The following NANS variants were observed in gnomAD, a reference collection of about 807,000 sequenced individuals.
NANS encodes N-acetylneuraminate-9-phosphate synthase.
NANS carries 29 observed loss-of-function variants against 33.3 expected under a neutral mutation model. The observed-to-expected ratio is 0.87, with a 90% CI of 0.65 to 1.19. The LOEUF (loss-of-function observed/expected upper bound fraction) is 1.19, where lower values mean the gene tolerates loss of function less well. NANS is among the 50% of genes most tolerant of loss of function. The pLI is 0.00. For missense variants in NANS, 394 were observed against 461.1 expected (o/e 0.85, Z 1.33); for synonymous variants, 163 against 177.2 (o/e 0.92, Z 0.64).
intron 1 of NANS, 148 bp downstream of exon 1, chr9:98,057,088 A>T (rs1186111880): frequency 8.4e-7 from 1 of 1,195,464 alleles, no homozygotes; most frequent in Non-Finnish European, 1.1e-6. Flanking sequence ...AATCCTTCGG[A>T]TCCCTCTTCC....
At chr9:98,073,272 T>C (rs931191729) in intron 2 of NANS, among the ~76,000 whole-genome samples, 840 of 28,812 alleles carry the variant, frequency 0.029, 3 homozygotes, top group Non-Finnish European at 0.034. Flanking sequence ...CACCATGGGC[T>C]TTTTTTTTTT....
chr9:98,063,111 G>A lies in NANS; in HGVS notation c.348+2114G>A, dbSNP rs146333639. ...GGCTGATTTTTTTTGTATTTTTAGT[G>A]GAGACAGGGTTTCACCATGTTAGCC... is the stretch of plus-strand genomic sequence containing the variant. On this transcript the variant is annotated intron_variant, in intron 2 of 5. Transcript: ENST00000210444. 5.2e-3 allele frequency among the ~76,000 whole-genome samples: 782 copies of A among 151,440 alleles called. 4 individuals are homozygous for A. Among genetic ancestry groups the A allele is most frequent in the African/African-American group, 0.018 (740 of 41,262 alleles).
intron 2 of NANS, among the ~76,000 whole-genome samples, chr9:98,066,842 G>A (rs531383636): frequency 7.9e-4 from 120 of 152,136 alleles, no homozygotes; most frequent in Middle Eastern, 6.8e-3. Flanking sequence ...GTGGAGACAG[G>A]GTTTCACCAT....
At chr9:98,079,601 T>C (rs1168449198) in intron 4 of NANS, among the ~76,000 whole-genome samples, 2 of 152,220 alleles carry the variant, frequency 1.3e-5, no homozygotes, top group Admixed American at 1.3e-4. Flanking sequence ...TTAAAAATGA[T>C]TTCTGTGAAA....
Position 98,056,900 on chromosome 9 carries a change from G to T in NANS, c.92G>T (p.Gly31Val). ...IIAEIGQNHQGDLDVAKRMIR... is the reference protein window; with the variant it reads ...IIAEIGQNHQVDLDVAKRMIR... ...GCCGAGATCGGCCAGAACCACCAGG[G>T]CGACCTGGACGTAGCCAAGCGCATG... The change falls in exon 1 of 6, where the codon GGC becomes GTC. Residue 31 changes from glycine (G) to valine (V), a missense_variant. Gly to Val is a moderately radical substitution (Grantham distance 109). Transcript: ENST00000210444. 6.2e-7 allele frequency: 1 copy of T among 1,610,912 alleles called. No individual in the cohort carries two copies. The highest frequency in any genetic ancestry group is 1.3e-5 in the African/African-American group (1 of 74,496).
At chr9:98,064,267 T>C (rs1829069837) in intron 2 of NANS, among the ~76,000 whole-genome samples, 1 of 152,218 alleles carries the variant, frequency 6.6e-6, no homozygotes, top group Admixed American at 6.5e-5. Flanking sequence ...TATTTTTTTT[T>C]TTTAAAGACG....
chr9:98,082,806 C>A, intron 5 of NANS, 40 bp from the exon 6 acceptor site: 1 of 1,596,182 alleles, frequency 6.3e-7, no homozygotes, highest in Non-Finnish European at 8.6e-7. Flanking sequence ...GCACTAGTTA[C>A]TTCTGTGAAG....
chr9:98,078,236 C>T lies in NANS; in HGVS notation c.492C>T (p.Thr164=), dbSNP rs1440878505. 1 of 1,614,134 alleles carries T rather than the reference C, an allele frequency of 6.2e-7. No individual in the cohort carries two copies. Among genetic ancestry groups the T allele is most frequent in the South Asian group, 1.1e-5 (1 of 91,088 alleles). The change falls in exon 4 of 6, where the codon ACC becomes ACT. Residue 164 remains threonine, a synonymous_variant. Transcript: ENST00000210444. ...VISSGMQSMD[T]MKQVYQIVKP... ...CCAGTGGGATGCAGTCAATGGACAC[C>T]ATGAAGCAAGTTTATCAGATCGTGA...
chr9:98,068,823 G>A (rs1829226532), intron 2 of NANS, among the ~76,000 whole-genome samples: 1 of 90,896 alleles, frequency 1.1e-5, no homozygotes, highest in Non-Finnish European at 1.9e-5. Flanking sequence ...GTGAGATCCT[G>A]TCTCTAAAAA....
intron 2 of NANS, 93 bp downstream of exon 2, chr9:98,061,090 C>G: frequency 8.4e-7 from 1 of 1,188,108 alleles, no homozygotes; most frequent in South Asian, 1.3e-5. Flanking sequence ...ACCTCCAGCC[C>G]TTGCTCATCC....
At chr9:98,061,485 A>AG (rs1208863892) in intron 2 of NANS, among the ~76,000 whole-genome samples, 1 of 148,804 alleles carries the variant, frequency 6.7e-6, no homozygotes, top group East Asian at 2.0e-4. Context: ...TCAAATTAAA[A>AG]AAAAAAAAAA....
intron 2 of NANS, among the ~76,000 whole-genome samples, chr9:98,066,130 T>G (rs1829141020): frequency 1.3e-5 from 2 of 152,198 alleles, no homozygotes; most frequent in Non-Finnish European, 1.5e-5. Context: ...ATACCTAGTG[T>G]TGAATCCATA....
At chr9:98,074,329 A>G (rs1026891288) in intron 2 of NANS, among the ~76,000 whole-genome samples, 1 of 152,000 alleles carries the variant, frequency 6.6e-6, no homozygotes, top group Non-Finnish European at 1.5e-5. Context: ...GGGAGAGAGG[A>G]GTGCTGAGGC....
At chr9:98,073,106 CCT>C (rs1829416831) in intron 2 of NANS, among the ~76,000 whole-genome samples, 1 of 152,050 alleles carries the variant, frequency 6.6e-6, no homozygotes, top group Non-Finnish European at 1.5e-5. Flanking sequence ...GACATGCTCT[CCT>C]CACACACAGT....
chr9:98,063,546 T>A (rs1361065219), intron 2 of NANS, among the ~76,000 whole-genome samples: 2 of 151,882 alleles, frequency 1.3e-5, no homozygotes, highest in Non-Finnish European at 2.9e-5. Flanking sequence ...CTGGCCTAGT[T>A]TTTTTTGTTT....
intron 1 of NANS, among the ~76,000 whole-genome samples, chr9:98,057,922 GTTTT>G (rs35104052): frequency 1.3e-5 from 1 of 78,084 alleles, no homozygotes; most frequent in East Asian, 3.3e-4. Context: ...TTTTTTCCTG[GTTTT>G]TTTTTTTTTT....
chr9:98,067,191 C>T (rs1325517120), intron 2 of NANS, among the ~76,000 whole-genome samples: 1 of 152,120 alleles, frequency 6.6e-6, no homozygotes, highest in Non-Finnish European at 1.5e-5. Flanking sequence ...TACTCTTTGG[C>T]TGTTATGAAT....
In NANS at chr9:98,080,949, AG is replaced by A; in HGVS notation, c.741del (p.Ser248ValfsTer52). 1 of 1,614,190 alleles carries A rather than the reference AG, an allele frequency of 6.2e-7. No homozygotes were observed. Among genetic ancestry groups the A allele is most frequent in the South Asian group, 1.1e-5 (1 of 91,088 alleles). Reference protein sequence around the residue: ...ERHITLDKTWKGSDHSASLEP... With the variant: ...ERHITLDKTWXGSDHSASLEP... ...CACATAACTTTGGACAAGACCTGGA[AG>A]GGGAGTGACCACTCGGCCTCGCTGG... On this transcript the variant is annotated frameshift_variant, in exon 5 of 6. Transcript: ENST00000210444. LOFTEE classifies it high-confidence loss of function.
intron 1 of NANS, among the ~76,000 whole-genome samples, chr9:98,058,610 A>G (rs193136236): frequency 1.3e-5 from 2 of 152,336 alleles, no homozygotes; most frequent in East Asian, 3.9e-4. Context: ...AGAAATATCT[A>G]GAGATACTGA....
Sources: allele counts gnomAD v4.1 joint callset (sites outside exome capture counted in the v4.1 genomes callset), GRCh38; gene constraint gnomAD v4.1.1; transcripts MANE v1.5; gene names NCBI Gene and HGNC (gene_info 2026-07-23, HGNC 2026-07-21).